GUCY1A2: variants seen among roughly 807,000 people sequenced by gnomAD.
GUCY1A2 encodes the protein guanylate cyclase soluble subunit alpha-2.
A neutral mutation model predicts 63.5 loss-of-function variants in GUCY1A2; 27 were observed. That is an observed-to-expected ratio of 0.43 (90% CI 0.31 to 0.59). The LOEUF is 0.59. Among genes scored for constraint, GUCY1A2 ranks in the 20% least tolerant of loss-of-function variants. The probability of loss-of-function intolerance (pLI) is 0.11; values close to 1 mark genes in which losing one functional copy is unlikely to be tolerated. For missense variants in GUCY1A2, 768 were observed against 913.3 expected (o/e 0.84, Z 2.05); for synonymous variants, 364 against 343.5 (o/e 1.06, Z -0.66).
intron 4 of GUCY1A2, among the ~76,000 whole-genome samples, chr11:106,817,847 G>A (rs1858851514): frequency 6.6e-6 from 1 of 152,032 alleles, no homozygotes; most frequent in Non-Finnish European, 1.5e-5. Context: ...AAAATAATGA[G>A]TACCAGCAAA....
intron 4 of GUCY1A2, among the ~76,000 whole-genome samples, chr11:106,817,232 A>G (rs1386113917): frequency 4.6e-5 from 7 of 152,092 alleles, no homozygotes; most frequent in Admixed American, 4.6e-4. Context: ...AACAATCACA[A>G]TATGAATTTT....
chr11:106,936,677 T>C, intron 4 of GUCY1A2: 1 of 1,533,334 alleles, frequency 6.5e-7, no homozygotes, highest in South Asian at 1.2e-5. Context: ...CTGCCACTGA[T>C]AACTGCGTCA....
chr11:107,012,935 C>G (rs1861767941), intron 1 of GUCY1A2, among the ~76,000 whole-genome samples: 1 of 151,790 alleles, frequency 6.6e-6, no homozygotes, highest in Non-Finnish European at 1.5e-5. Context: ...CACATACTTT[C>G]TAAGGTTTTT....
chr11:106,972,822 G>A (rs1032523761), intron 3 of GUCY1A2, among the ~76,000 whole-genome samples: 4 of 152,046 alleles, frequency 2.6e-5, no homozygotes, highest in Non-Finnish European at 5.9e-5. Flanking sequence ...ATTTTTCAGG[G>A]CAGTTGTGGG....
At chr11:106,690,297 A>G (rs558279327) in intron 7 of GUCY1A2, among the ~76,000 whole-genome samples, 3 of 152,316 alleles carry the variant, frequency 2.0e-5, no homozygotes, top group African/African-American at 7.2e-5. Flanking sequence ...TAGACTGGAT[A>G]AAGAAAATGT....
chr11:106,929,110 A>G (rs1265616350), intron 4 of GUCY1A2, among the ~76,000 whole-genome samples: 1 of 152,216 alleles, frequency 6.6e-6, no homozygotes, highest in Non-Finnish European at 1.5e-5. Context: ...ATAAACTGAA[A>G]TAAAACTTGT....
chr11:106,924,278 T>C (rs1057138818), intron 4 of GUCY1A2, among the ~76,000 whole-genome samples: 6 of 152,232 alleles, frequency 3.9e-5, no homozygotes, highest in African/African-American at 7.2e-5. Context: ...AAGCTCACAC[T>C]GATTATAGTT....
At chr11:106,957,138 C>T (rs1029507466) in intron 3 of GUCY1A2, among the ~76,000 whole-genome samples, 62 of 152,310 alleles carry the variant, frequency 4.1e-4, no homozygotes, top group African/African-American at 1.5e-3. Context: ...CTGGCTCTAG[C>T]TCTAGCAGGG....
chr11:106,795,044 A>C (rs2135414632), intron 5 of GUCY1A2, among the ~76,000 whole-genome samples: 1 of 152,322 alleles, frequency 6.6e-6, no homozygotes, highest in South Asian at 2.1e-4. Flanking sequence ...ATTCCAAACA[A>C]TCATTTGCTG....
intron 4 of GUCY1A2, among the ~76,000 whole-genome samples, chr11:106,897,688 C>T (rs912101697): frequency 2.0e-5 from 3 of 151,730 alleles, no homozygotes; most frequent in African/African-American, 7.3e-5. Flanking sequence ...ATACAGACCT[C>T]ATATCTTTCA....
At chr11:106,820,020 C>T (rs530893657) in intron 4 of GUCY1A2, among the ~76,000 whole-genome samples, 3 of 152,250 alleles carry the variant, frequency 2.0e-5, no homozygotes, top group Admixed American at 6.5e-5. Flanking sequence ...TCAAAGAACA[C>T]AAACTTTCAG....
At chr11:106,933,082 A>G (rs1056200495) in intron 4 of GUCY1A2, among the ~76,000 whole-genome samples, 9 of 152,156 alleles carry the variant, frequency 5.9e-5, no homozygotes, top group African/African-American at 2.2e-4. Context: ...ACTAAGTCCC[A>G]AAAGCAACAA....
chr11:106,884,432 G>C (rs988433462), intron 4 of GUCY1A2, among the ~76,000 whole-genome samples: 3 of 152,092 alleles, frequency 2.0e-5, no homozygotes, highest in Non-Finnish European at 4.4e-5. Flanking sequence ...AGCGAAAATA[G>C]CACGTACAAT....
intron 6 of GUCY1A2, among the ~76,000 whole-genome samples, chr11:106,720,792 T>G (rs111825747): frequency 0.016 from 2,502 of 152,236 alleles, 38 homozygotes; most frequent in South Asian, 0.04. Flanking sequence ...GTGTCCTAGA[T>G]GGGACCTTGA....
chr11:106,772,466 T>C (rs932431366), intron 6 of GUCY1A2, among the ~76,000 whole-genome samples: 2 of 152,152 alleles, frequency 1.3e-5, no homozygotes, highest in African/African-American at 4.8e-5. Flanking sequence ...CAAATTAATA[T>C]GATGAAAAAT....
intron 4 of GUCY1A2, among the ~76,000 whole-genome samples, chr11:106,912,323 T>C (rs1477574302): frequency 6.6e-6 from 1 of 152,080 alleles, no homozygotes; most frequent in Non-Finnish European, 1.5e-5. Context: ...TATTTCAAAA[T>C]ACTTGTTGAG....
At chr11:106,980,838 A>G (rs1365972246) in intron 2 of GUCY1A2, among the ~76,000 whole-genome samples, 1 of 149,732 alleles carries the variant, frequency 6.7e-6, no homozygotes, top group Non-Finnish European at 1.5e-5. Context: ...GAGTCACTCA[A>G]GAGGTGGAAC....
chr11:106,878,782 T>TAA (rs372754272), intron 4 of GUCY1A2, among the ~76,000 whole-genome samples: 14,065 of 137,876 alleles, frequency 0.1, 863 homozygotes, highest in Middle Eastern at 0.18. Context: ...ACTTAAAAGT[T>TAA]AAAAAAAAAA....
intron 5 of GUCY1A2, among the ~76,000 whole-genome samples, chr11:106,797,130 T>G (rs1350467866): frequency 6.6e-6 from 1 of 152,154 alleles, no homozygotes; most frequent in East Asian, 1.9e-4. Context: ...CTCCATCGGG[T>G]CATTTAAGGA....
Sources: gnomAD v4.1 joint callset for allele counts (sites outside exome capture counted in the v4.1 genomes callset) on GRCh38, gnomAD v4.1.1 for gene constraint, MANE v1.5 for transcripts, NCBI Gene and HGNC (gene_info 2026-07-23, HGNC 2026-07-21) for gene names.